ALK: variants seen among roughly 807,000 people sequenced by gnomAD.
The protein encoded by ALK is ALK receptor tyrosine kinase.
Under a neutral mutation model 163.1 loss-of-function variants are expected in ALK, and 74 were observed. That is an observed-to-expected ratio of 0.45 (90% CI 0.38 to 0.55). The LOEUF (loss-of-function observed/expected upper bound fraction) is 0.55. ALK is among the 20% of genes least tolerant of loss of function. The pLI, the probability that ALK is intolerant of heterozygous loss-of-function variation, is 0.00. For missense variants in ALK, 2,063 were observed against 2,105.3 expected (o/e 0.98, Z 0.39); for synonymous variants, 960 against 843.2 (o/e 1.14, Z -2.40).
intron 12 of ALK, among the ~76,000 whole-genome samples, chr2:29,249,556 C>T (rs535377537): frequency 7.9e-5 from 12 of 152,218 alleles, no homozygotes; most frequent in Admixed American, 3.9e-4. Context: ...GCCAGAGCAC[C>T]CTGGGTTTGA....
chr2:29,724,668 C>A lies in ALK; in HGVS notation c.668-6971G>T, dbSNP rs73921497. Among the ~76,000 whole-genome samples, 669 of 152,250 alleles carry A rather than the reference C, an allele frequency of 4.4e-3. 4 individuals carry two copies. The highest frequency in any genetic ancestry group is 0.015 in the African/African-American group (607 of 41,552). On this transcript the variant is annotated intron_variant, in intron 1 of 28. Transcript: ENST00000389048. ...TAGCCCTCCCCATACCTTCTCTAGGCCTGGAAAATGAGCGGTTTGAACTCA... is the reference window on the plus strand; with the variant it reads ...TAGCCCTCCCCATACCTTCTCTAGGACTGGAAAATGAGCGGTTTGAACTCA...
chr2:29,639,859 C>T (rs908840864), intron 3 of ALK, among the ~76,000 whole-genome samples: 1 of 152,182 alleles, frequency 6.6e-6, no homozygotes, highest in Non-Finnish European at 1.5e-5. Flanking sequence ...CGACAACATC[C>T]TATGAAAGTT....
At chr2:29,491,793 G>C (rs1450351430) in intron 4 of ALK, among the ~76,000 whole-genome samples, 1 of 152,170 alleles carries the variant, frequency 6.6e-6, no homozygotes, top group East Asian at 1.9e-4. Context: ...GGGGCAGGGA[G>C]TGCTGAGAAC....
intron 6 of ALK, among the ~76,000 whole-genome samples, chr2:29,326,919 C>T (rs1667281981): frequency 6.6e-6 from 1 of 152,118 alleles, no homozygotes; most frequent in Non-Finnish European, 1.5e-5. Flanking sequence ...GGGTCTGGGC[C>T]CCACCCCAGG....
At chr2:29,217,467 T>C (rs955807166) in intron 23 of ALK, among the ~76,000 whole-genome samples, 9 of 151,986 alleles carry the variant, frequency 5.9e-5, no homozygotes, top group Non-Finnish European at 1.3e-4. Context: ...TGCCAGCCAG[T>C]GCACCCTGGG....
In ALK at chr2:29,716,031, T is replaced by C. The variant is rs144629512; in HGVS notation, c.787+1547A>G. ...CAGTTAATATGAACCAAGAGCGTTA[T>C]AGATGAGAGACAGCAGGCTTTGGAC... On this transcript the variant is annotated intron_variant, in intron 2 of 28. Coordinates refer to ENST00000389048, the MANE Select transcript of ALK (RefSeq NM_004304.5). Among the ~76,000 whole-genome samples the C allele has an allele frequency of 8.1e-3, 1,235 of 152,268 alleles. 15 individuals carry two copies. Among genetic ancestry groups the C allele is most frequent in the South Asian group, 0.045 (215 of 4,828 alleles).
chr2:29,231,871 G>A (rs1467666879), intron 15 of ALK, among the ~76,000 whole-genome samples: 1 of 152,188 alleles, frequency 6.6e-6, no homozygotes, highest in African/African-American at 2.4e-5. Context: ...AGATTTTCCA[G>A]CGGGGATACG....
At chr2:29,820,969 G>A (rs4073187) in intron 1 of ALK, among the ~76,000 whole-genome samples, 47,572 of 152,134 alleles carry the variant, frequency 0.31, 7,959 homozygotes, top group Non-Finnish European at 0.38. Context: ...GTTGGGGGTA[G>A]AGCAGAGTGA....
At chr2:29,796,443 C>A (rs1274004439) in intron 1 of ALK, among the ~76,000 whole-genome samples, 1 of 152,154 alleles carries the variant, frequency 6.6e-6, no homozygotes, top group Non-Finnish European at 1.5e-5. Flanking sequence ...AGACCTGCAT[C>A]TGAACAAATG....
chr2:29,439,070 A>G (rs1670472886), intron 4 of ALK, among the ~76,000 whole-genome samples: 2 of 152,140 alleles, frequency 1.3e-5, no homozygotes, highest in Admixed American at 1.3e-4. Context: ...AAAATTCAAC[A>G]TTTACCTCGA....
intron 23 of ALK, among the ~76,000 whole-genome samples, chr2:29,219,016 C>A (rs556383045): frequency 6.6e-6 from 1 of 152,360 alleles, no homozygotes; most frequent in Non-Finnish European, 1.5e-5. Context: ...TCAAGAGTCA[C>A]AAGGCCTGAG....
At chr2:29,684,723 G>A (rs1678186157) in intron 3 of ALK, among the ~76,000 whole-genome samples, 2 of 152,194 alleles carry the variant, frequency 1.3e-5, no homozygotes, top group Non-Finnish European at 2.9e-5. Flanking sequence ...TGAATGTACT[G>A]CCAGATATCT....
chr2:29,544,055 T>A (rs887987820), intron 3 of ALK, among the ~76,000 whole-genome samples: 3 of 152,250 alleles, frequency 2.0e-5, no homozygotes, highest in Non-Finnish European at 4.4e-5. Context: ...TACAATAAAC[T>A]ATTAAATCAT....
At chr2:29,660,098 T>C (rs966812445) in intron 3 of ALK, among the ~76,000 whole-genome samples, 16 of 152,170 alleles carry the variant, frequency 1.1e-4, no homozygotes, top group African/African-American at 3.9e-4. Context: ...AAATAAGCCA[T>C]GGATGTGCTA....
At chr2:29,714,982 C>T (rs530305926) in intron 2 of ALK, among the ~76,000 whole-genome samples, 3 of 152,118 alleles carry the variant, frequency 2.0e-5, no homozygotes, top group South Asian at 2.1e-4. Context: ...GTCAGCCCAC[C>T]GGGGACACTA....
In ALK at chr2:29,239,763, A is replaced by T. The variant is rs1358103780; in HGVS notation, c.2272T>A (p.Ser758Thr). 6.2e-7 allele frequency: 1 copy of T among 1,614,080 alleles called. No homozygotes were observed. The highest frequency in any genetic ancestry group is 1.1e-5 in the South Asian group (1 of 91,086). Residue 758 changes from serine to threonine, a missense_variant, in exon 13 of 29, where the codon TCT becomes ACT. Ser to Thr is a moderately conservative substitution (Grantham distance 58). This residue lies in a region of ALK where 575 missense variants were observed against 626.6 expected (regional missense o/e 0.92). Coordinates refer to ENST00000389048, the MANE Select transcript of ALK (RefSeq NM_004304.5). ...KNTMMRSHGV[S>T]VLGIFNLEKD... The stretch of plus-strand genomic sequence containing the variant: ...TCCAGGTTGAAGATGCCCAGCACAG[A>T]CACGCCGTGGGACCGCATCATGGTG...
chr2:29,444,187 C>T (rs1366947528), intron 4 of ALK, among the ~76,000 whole-genome samples: 1 of 152,148 alleles, frequency 6.6e-6, no homozygotes, highest in Non-Finnish European at 1.5e-5. Flanking sequence ...GAATCGGGAG[C>T]TCCATTTATG....
Position 29,788,143 on chromosome 2 carries a change from T to G in ALK, c.668-70446A>C, listed in dbSNP as rs146154676. Among the ~76,000 whole-genome samples, 41 of 152,336 alleles carry G rather than the reference T, an allele frequency of 2.7e-4. No individual in the cohort carries two copies. In the East Asian group the frequency reaches 6.6e-3, roughly 24 times the overall value. ...CTGTCTATAAGGACAACAAACGAAC[T>G]TGTCTTAGCTTATCCAGCCATCTGG... On this transcript the variant is annotated intron_variant, in intron 1 of 28. Coordinates refer to ENST00000389048, the MANE Select transcript of ALK (RefSeq NM_004304.5).
chr2:29,272,815 C>A (rs778186395), intron 11 of ALK, among the ~76,000 whole-genome samples: 3 of 152,206 alleles, frequency 2.0e-5, no homozygotes, highest in Non-Finnish European at 4.4e-5. Context: ...TAGTGTTTAT[C>A]TCCGATTGGA....
Sources: gnomAD v4.1 joint callset for allele counts (sites outside exome capture counted in the v4.1 genomes callset) on GRCh38, gnomAD v4.1.1 for gene constraint, gnomAD v4.1.1 regional missense constraint, MANE v1.5 for transcripts, NCBI Gene and HGNC (gene_info 2026-07-23, HGNC 2026-07-21) for gene names.